Variants in UBQLN1 observed in about 807,000 individuals in gnomAD.
UBQLN1 encodes the protein ubiquilin 1.
UBQLN1 carries 13 observed loss-of-function variants against 65.4 expected under a neutral mutation model. The ratio of observed to expected loss-of-function variants is 0.20; its 90% CI spans 0.13 to 0.32. UBQLN1 has a LOEUF of 0.32. UBQLN1 is among the 10% of genes least tolerant of loss of function. UBQLN1 has a pLI of 1.00. For missense variants in UBQLN1, 561 were observed against 724.0 expected (o/e 0.77, Z 2.58); for synonymous variants, 267 against 247.8 (o/e 1.08, Z -0.73).
chr9:83,678,653 AATTAC>A, intron 4 of UBQLN1, 54 bp from the exon 5 acceptor site: 1 of 1,503,736 alleles, frequency 6.7e-7, no homozygotes, highest in Non-Finnish European at 9.0e-7. Flanking sequence ...AATACACATG[AATTAC>A]ATTAATTACT....
intron 4 of UBQLN1, among the ~76,000 whole-genome samples, chr9:83,679,045 C>T (rs1292288409): frequency 6.6e-6 from 1 of 152,138 alleles, no homozygotes; most frequent in African/African-American, 2.4e-5. Context: ...TTGGACCAGC[C>T]TCCTGCACTA....
At chr9:83,704,843 A>T (rs1832371907) in intron 1 of UBQLN1, among the ~76,000 whole-genome samples, 1 of 151,798 alleles carries the variant, frequency 6.6e-6, no homozygotes, top group Non-Finnish European at 1.5e-5. Flanking sequence ...AAAAAAAAAA[A>T]AAATCTCACT....
At chr9:83,682,146 G>A (rs752114209) in intron 3 of UBQLN1, among the ~76,000 whole-genome samples, 8 of 152,052 alleles carry the variant, frequency 5.3e-5, no homozygotes, top group South Asian at 4.1e-4. Flanking sequence ...TTAGCCGGGC[G>A]TAGTGGCACA....
At chr9:83,697,870 G>C (rs961044866) in intron 1 of UBQLN1, among the ~76,000 whole-genome samples, 2 of 151,646 alleles carry the variant, frequency 1.3e-5, no homozygotes, top group African/African-American at 4.8e-5. Flanking sequence ...CGAGTAGCTG[G>C]GGATTACAGG....
In UBQLN1 at chr9:83,661,072, T is replaced by C. The variant is rs1046338744; in HGVS notation, c.*715A>G. On this transcript the variant is annotated 3_prime_UTR_variant, in exon 11 of 11. Coordinates refer to ENST00000376395, the MANE Select transcript of UBQLN1 (RefSeq NM_013438.5). ...TACATTATGTGTCTGTACAATTAAT[T>C]GTCCTTAAAGAGATAACCAGAATCA... is the stretch of plus-strand genomic sequence containing the variant. 2.0e-5 allele frequency: 3 copies of C among 152,204 alleles called. No homozygotes were observed. Among genetic ancestry groups the C allele is most frequent in the Non-Finnish European group, 2.9e-5 (2 of 68,032 alleles). 9.4% of individuals were successfully genotyped at this position (152,204 alleles called of 1,614,324 possible).
intron 10 of UBQLN1, among the ~76,000 whole-genome samples, chr9:83,663,146 A>G (rs1323344624): frequency 6.6e-6 from 1 of 151,032 alleles, no homozygotes; most frequent in Non-Finnish European, 1.5e-5. Context: ...GAAAGGGAAA[A>G]GGGAAAGGGG....
chr9:83,691,290 T>C (rs1430926692), intron 1 of UBQLN1, among the ~76,000 whole-genome samples: 1 of 152,028 alleles, frequency 6.6e-6, no homozygotes. Context: ...AGACTGGATA[T>C]AAGACATGAA....
At chr9:83,664,114 A>G (rs1831606221) in intron 9 of UBQLN1, 71 bp from the exon 10 acceptor site, 17 of 1,496,726 alleles carry the variant, frequency 1.1e-5, no homozygotes, top group Non-Finnish European at 1.5e-5. Flanking sequence ...AATCAGTTAC[A>G]TTTTAATATA....
chr9:83,686,175 G>A lies in UBQLN1; in HGVS notation c.181-20C>T. 1 of 1,483,564 alleles carries A rather than the reference G, an allele frequency of 6.7e-7. No homozygotes were observed. Among genetic ancestry groups the A allele is most frequent in the Non-Finnish European group, 9.1e-7 (1 of 1,100,222 alleles). 91.9% of individuals were successfully genotyped at this position (1,483,564 alleles called of 1,614,324 possible). A position where few individuals can be genotyped will look rare whatever the true frequency, so the allele number is the denominator to read the frequency against. Reference sequence around the variant, plus strand: ...CTTAAACTAAATAAAAATAAAATAAGTATGTATTACAGTTGTTTGCACAGC... The same window carrying A: ...CTTAAACTAAATAAAAATAAAATAAATATGTATTACAGTTGTTTGCACAGC... On this transcript the variant is annotated intron_variant, in intron 1 of 10. Transcript: ENST00000376395.
intron 1 of UBQLN1, among the ~76,000 whole-genome samples, chr9:83,690,437 T>C (rs760864358): frequency 1.3e-5 from 2 of 152,236 alleles, no homozygotes; most frequent in Non-Finnish European, 2.9e-5. Flanking sequence ...AGTTTGCAAG[T>C]GACTTCTTGG....
At chr9:83,685,615 TAAAA>T (rs376944218) in intron 2 of UBQLN1, among the ~76,000 whole-genome samples, 1 of 131,856 alleles carries the variant, frequency 7.6e-6, no homozygotes. Context: ...CTCTGTCTCT[TAAAA>T]AAAAAAAAAA....
At chr9:83,693,716 A>T (rs894357741) in intron 1 of UBQLN1, among the ~76,000 whole-genome samples, 2 of 152,182 alleles carry the variant, frequency 1.3e-5, no homozygotes, top group Non-Finnish European at 2.9e-5. Context: ...CCCTGTTCTC[A>T]ATTGTTTTTG....
At chr9:83,696,291 T>C (rs552375346) in intron 1 of UBQLN1, among the ~76,000 whole-genome samples, 1 of 152,202 alleles carries the variant, frequency 6.6e-6, no homozygotes, top group South Asian at 2.1e-4. Flanking sequence ...TCTCTTATCT[T>C]TTTTGTAGTT....
intron 1 of UBQLN1, among the ~76,000 whole-genome samples, chr9:83,695,628 A>C (rs1340682953): frequency 6.6e-6 from 1 of 152,242 alleles, no homozygotes; most frequent in Admixed American, 6.5e-5. Context: ...GTTAAAAAAA[A>C]AAATTACCCC....
At chr9:83,702,892 C>G (rs1330454897) in intron 1 of UBQLN1, among the ~76,000 whole-genome samples, 5 of 152,104 alleles carry the variant, frequency 3.3e-5, no homozygotes. Context: ...TAATATTTTC[C>G]CAGAAGTTTG....
chr9:83,666,755 G>T, intron 7 of UBQLN1: 1 of 210,328 alleles, frequency 4.8e-6, no homozygotes, highest in Non-Finnish European at 9.7e-6. Flanking sequence ...AGAAAAATGG[G>T]AGTAACTGGC....
chr9:83,664,165 G>T (rs1831606747), intron 9 of UBQLN1, 122 bp from the exon 10 acceptor site: 2 of 1,035,246 alleles, frequency 1.9e-6, no homozygotes, highest in African/African-American at 1.6e-5. Flanking sequence ...TTGGCCTGGT[G>T]CAGTGGCTCA....
intron 1 of UBQLN1, among the ~76,000 whole-genome samples, chr9:83,689,518 G>A (rs947693623): frequency 1.3e-5 from 2 of 152,152 alleles, no homozygotes; most frequent in East Asian, 3.9e-4. Context: ...CTTTTTAAGT[G>A]CCTTTACTAA....
At chr9:83,669,858 A>C (rs754741483) in intron 6 of UBQLN1, among the ~76,000 whole-genome samples, 1 of 152,212 alleles carries the variant, frequency 6.6e-6, no homozygotes, top group South Asian at 2.1e-4. Flanking sequence ...CATAGAGCAC[A>C]GTGACTCCAA....
Sources: allele counts gnomAD v4.1 joint callset (sites outside exome capture counted in the v4.1 genomes callset), GRCh38; gene constraint gnomAD v4.1.1; transcripts MANE v1.5; gene names NCBI Gene and HGNC (gene_info 2026-07-23, HGNC 2026-07-21).